The following TRAPPC9 variants were observed in gnomAD, a reference collection of about 807,000 sequenced individuals.
The protein encoded by TRAPPC9 is IKK2 binding protein.
Under a neutral mutation model 124.0 loss-of-function variants are expected in TRAPPC9, and 83 were observed. The ratio of observed to expected loss-of-function variants is 0.67; its 90% CI spans 0.56 to 0.80. The LOEUF (loss-of-function observed/expected upper bound fraction) is 0.80, where lower values mean the gene tolerates loss of function less well. TRAPPC9 is among the 30% of genes least tolerant of loss of function. TRAPPC9 has a pLI of 0.00. For missense variants in TRAPPC9, 1,302 were observed against 1,508.3 expected (o/e 0.86, Z 2.27); for synonymous variants, 638 against 617.5 (o/e 1.03, Z -0.49).
At chr8:139,820,428 C>T (rs1044592760) in intron 21 of TRAPPC9, among the ~76,000 whole-genome samples, 3 of 152,212 alleles carry the variant, frequency 2.0e-5, no homozygotes, top group Non-Finnish European at 1.5e-5. Flanking sequence ...TATCCACCTG[C>T]CTTGGCCTCC....
At position 140,185,242 on chromosome 8, in the gene TRAPPC9, C is replaced by G. The variant is rs1009723590; in HGVS notation, c.2556+36217G>C. ...AGCACACATAAGGACAGGACGCACC[C>G]CTGCCCTCCCGGGGCTCTGAGTCCA... On this transcript the variant is annotated intron_variant, in intron 17 of 22. Coordinates refer to ENST00000438773, the MANE Select transcript of TRAPPC9 (RefSeq NM_001160372.4). Among the ~76,000 whole-genome samples the G allele has an allele frequency of 3.9e-5, 6 of 152,332 alleles. No individual in the cohort carries two copies. In the East Asian group the frequency reaches 7.7e-4, roughly 20 times the overall value.
intron 21 of TRAPPC9, among the ~76,000 whole-genome samples, chr8:139,882,733 C>T (rs1445720010): frequency 6.6e-6 from 1 of 152,194 alleles, no homozygotes. Flanking sequence ...GCACTGAGCA[C>T]ATAATAGACA....
At chr8:140,095,876 C>G (rs1014718895) in intron 17 of TRAPPC9, 2 of 152,080 alleles carry the variant, frequency 1.3e-5, no homozygotes, top group Non-Finnish European at 2.9e-5. Context: ...GGTGCCTCTC[C>G]GAGGTGCAGA....
intron 12 of TRAPPC9, among the ~76,000 whole-genome samples, chr8:140,289,844 G>A (rs1418736910): frequency 1.3e-5 from 2 of 152,214 alleles, no homozygotes; most frequent in Admixed American, 1.3e-4. Context: ...CCAACAGGAG[G>A]AGAGGCGCTC....
intron 17 of TRAPPC9, among the ~76,000 whole-genome samples, chr8:140,027,787 A>C (rs1324396210): frequency 1.3e-5 from 2 of 152,176 alleles, no homozygotes; most frequent in Non-Finnish European, 2.9e-5. Flanking sequence ...AAGGGGAAGA[A>C]GCATATCTTA....
chr8:140,057,137 G>A (rs185745541), intron 17 of TRAPPC9, among the ~76,000 whole-genome samples: 71 of 152,242 alleles, frequency 4.7e-4, no homozygotes, highest in African/African-American at 1.6e-3. Flanking sequence ...AAAACATGAC[G>A]ATACATTACC....
chr8:139,755,803 A>AG (rs1819711000), intron 21 of TRAPPC9, among the ~76,000 whole-genome samples: 1 of 134,292 alleles, frequency 7.4e-6, no homozygotes, highest in South Asian at 2.5e-4. Flanking sequence ...AGGAGGAGCC[A>AG]GGGTTGGGGT....
Position 140,011,670 on chromosome 8 carries a change from A to ATTT in TRAPPC9, c.2699+12264_2699+12266dup, listed in dbSNP as rs56884853. Among the ~76,000 whole-genome samples the ATTT allele has an allele frequency of 9.9e-4, 62 of 62,652 alleles. 1 individual carries two copies. The highest frequency in any genetic ancestry group is 1.3e-3 in the Non-Finnish European group (43 of 34,226). 41.1% of individuals were successfully genotyped at this position (62,652 alleles called of 152,430 possible). ...AGGTGCATGCCACCACACCCAGCTA[A>ATTT]TTTTTTTTTTTTTTTTTTTTTTTTT... On this transcript the variant is annotated intron_variant, in intron 18 of 22. Coordinates refer to ENST00000438773, the MANE Select transcript of TRAPPC9 (RefSeq NM_001160372.4).
chr8:140,217,881 G>A (rs1310829784), intron 17 of TRAPPC9, among the ~76,000 whole-genome samples: 1 of 152,150 alleles, frequency 6.6e-6, no homozygotes, highest in East Asian at 1.9e-4. Context: ...GCTGGGCATG[G>A]TGGTGCACGC....
intron 21 of TRAPPC9, among the ~76,000 whole-genome samples, chr8:139,810,508 C>G (rs931671141): frequency 2.0e-5 from 3 of 152,218 alleles, no homozygotes; most frequent in African/African-American, 7.2e-5. Context: ...GCAAATGCTA[C>G]AGACCAGGGC....
chr8:140,066,282 T>A (rs1842892236), intron 17 of TRAPPC9, among the ~76,000 whole-genome samples: 1 of 152,138 alleles, frequency 6.6e-6, no homozygotes, highest in African/African-American at 2.4e-5. Flanking sequence ...GAGGGAGACA[T>A]GGGAGCAGTA....
At chr8:139,912,349 TTCTA>T (rs1831796252) in intron 19 of TRAPPC9, among the ~76,000 whole-genome samples, 1 of 152,232 alleles carries the variant, frequency 6.6e-6, no homozygotes, top group Non-Finnish European at 1.5e-5. Context: ...CTGCGAAATA[TTCTA>T]TCTTAGGGTT....
chr8:139,882,082 T>TG (rs1563889375), intron 21 of TRAPPC9, among the ~76,000 whole-genome samples: 3 of 152,218 alleles, frequency 2.0e-5, no homozygotes, highest in African/African-American at 4.8e-5. Context: ...CTTGGGTATA[T>TG]GGCTCCTAGA....
chr8:139,854,365 G>C (rs556068331), intron 21 of TRAPPC9, among the ~76,000 whole-genome samples: 1 of 152,378 alleles, frequency 6.6e-6, no homozygotes, highest in Admixed American at 6.5e-5. Flanking sequence ...ACAGGAAAGA[G>C]GCAGGAGCCC....
At chr8:140,326,657 C>A (rs1313179738) in intron 9 of TRAPPC9, among the ~76,000 whole-genome samples, 1 of 152,190 alleles carries the variant, frequency 6.6e-6, no homozygotes, top group African/African-American at 2.4e-5. Flanking sequence ...AGAAGGATCA[C>A]TTGAGCTCAG....
chr8:140,213,490 T>C (rs2063113806), intron 17 of TRAPPC9, among the ~76,000 whole-genome samples: 1 of 152,236 alleles, frequency 6.6e-6, no homozygotes, highest in African/African-American at 2.4e-5. Context: ...AAGCTTTTGG[T>C]TGCTTTGTCT....
At chr8:139,758,572 G>A (rs552219613) in intron 21 of TRAPPC9, among the ~76,000 whole-genome samples, 3 of 152,320 alleles carry the variant, frequency 2.0e-5, no homozygotes, top group South Asian at 2.1e-4. Context: ...AACGGGGTAC[G>A]AGGGAAGCAC....
chr8:140,103,380 C>T (rs565213422), intron 17 of TRAPPC9, among the ~76,000 whole-genome samples: 26 of 152,318 alleles, frequency 1.7e-4, no homozygotes, highest in Non-Finnish European at 3.5e-4. Flanking sequence ...CGTGAGGCAG[C>T]GCCTCTCATC....
intron 14 of TRAPPC9, among the ~76,000 whole-genome samples, chr8:140,279,822 T>C (rs2065250572): frequency 6.6e-6 from 1 of 152,222 alleles, no homozygotes; most frequent in Non-Finnish European, 1.5e-5. Flanking sequence ...TTCACTGCCT[T>C]TTACAGCTGG....
Sources: gnomAD v4.1 joint callset for allele counts (sites outside exome capture counted in the v4.1 genomes callset) on GRCh38, gnomAD v4.1.1 for gene constraint, MANE v1.5 for transcripts, NCBI Gene and HGNC (gene_info 2026-07-23, HGNC 2026-07-21) for gene names.